Variants in CTC1 observed in about 807,000 individuals in gnomAD.
The protein encoded by CTC1 is CST complex subunit CTC1.
In CTC1, 91 loss-of-function variants were observed where a neutral mutation model predicts 136.3. The observed-to-expected ratio is 0.67, with a 90% CI of 0.56 to 0.79. The LOEUF is 0.79. CTC1 is among the 30% of genes least tolerant of loss of function. CTC1 has a pLI of 0.00. For missense variants in CTC1, 1,432 were observed against 1,498.1 expected, an observed-to-expected ratio of 0.96 and a Z score of 0.73; for synonymous variants, 606 against 613.8, an observed-to-expected ratio of 0.99 and a Z score of 0.19.
Position 8,227,838 on chromosome 17 carries a change from A to C in CTC1, c.*342T>G, listed in dbSNP as rs1986853747. 1 of 208,834 alleles carries C rather than the reference A, an allele frequency of 4.8e-6. No individual in the cohort carries two copies. Among genetic ancestry groups the C allele is most frequent in the Non-Finnish European group, 9.8e-6 (1 of 101,814 alleles). 12.9% of individuals were successfully genotyped at this position (208,834 alleles called of 1,614,324 possible). ...GTGAGAAATGACACCAGAGGGCTTC[A>C]TTGCAGGTCAATAGGCCTGTCACCA... On this transcript the variant is annotated 3_prime_UTR_variant, in exon 23 of 23. Coordinates refer to ENST00000651323, the MANE Select transcript of CTC1 (RefSeq NM_025099.6).
chr17:8,230,458 C>T lies in CTC1; in HGVS notation c.2769G>A (p.Gly923=), dbSNP rs1458053977. The change falls in exon 17 of 23, where the codon GGG becomes GGA. Residue 923 remains glycine (G), a synonymous_variant. Transcript: ENST00000651323. ...TTAGCTTCACACACCTTCTCATGGCCCCCGTGTTCCCTATAGAAGGAAGGT... is the reference window on the plus strand; with the variant it reads ...TTAGCTTCACACACCTTCTCATGGCTCCCGTGTTCCCTATAGAAGGAAGGT... ...ASLWMKLGNT[G]AMRRCVKLTV... 1 of 1,613,762 alleles carries T rather than the reference C, an allele frequency of 6.2e-7. No homozygotes were observed. Among genetic ancestry groups the T allele is most frequent in the South Asian group, 1.1e-5 (1 of 91,044 alleles).
Position 8,238,013 on chromosome 17 carries a change from C to T in CTC1, c.647+18G>A, listed in dbSNP as rs373103137. 1 of 1,603,066 alleles carries T rather than the reference C, an allele frequency of 6.2e-7. No homozygotes were observed. Among genetic ancestry groups the T allele is most frequent in the Non-Finnish European group, 8.5e-7 (1 of 1,170,940 alleles). ...TCAGTTTTACAGCGCCCCTGCCATG[C>T]CTAGAGGGGGAAATTACCTGAGCCT... is the stretch of plus-strand genomic sequence containing the variant. On this transcript the variant is annotated intron_variant, in intron 4 of 22. Transcript: ENST00000651323.
intron 1 of CTC1, chr17:8,247,789 G>C (rs1988883174): frequency 1.7e-6 from 1 of 591,800 alleles, no homozygotes; most frequent in Non-Finnish European, 3.1e-6. Flanking sequence ...AGTGAACGGA[G>C]ACCAGTTTAA....
At chr17:8,230,058 GC>G in intron 17 of CTC1, 90 bp from the exon 18 acceptor site, 1 of 1,265,638 alleles carries the variant, frequency 7.9e-7, no homozygotes, top group Non-Finnish European at 1.1e-6. Context: ...CCACAGAGTG[GC>G]CACTCCCCCT....
chr17:8,228,822 C>G lies in CTC1; in HGVS notation c.3292G>C (p.Gly1098Arg). ...GAGGCCCACTCTCTAGGACACAGCC[C>G]TAGTGCTGCTGCCACATGGTGATTC... is the stretch of plus-strand genomic sequence containing the variant. ...CRNHHVAAAL[G>R]LCPREWASLL... Residue 1098 changes from glycine (G) to arginine (R), a missense_variant, in exon 21 of 23, where the codon GGG becomes CGG. Coordinates refer to ENST00000651323, the MANE Select transcript of CTC1 (RefSeq NM_025099.6). 3.1e-6 allele frequency: 5 copies of G among 1,614,056 alleles called. No homozygotes were observed. Among genetic ancestry groups the G allele is most frequent in the Non-Finnish European group, 4.2e-6 (5 of 1,179,978 alleles).
Position 8,232,453 on chromosome 17 carries a change from C to G in CTC1, c.1968G>C (p.Arg656Ser), listed in dbSNP as rs746143190. ...RLIGCLVRAE[R>S]FQLIVERDVR... ...CGTCCCTCTCTACGATCAACTGAAA[C>G]CTCTCTGCCCGCACCAGGCAGCCTA... is the stretch of plus-strand genomic sequence containing the variant. Residue 656 changes from arginine (R) to serine (S), a missense_variant, in exon 12 of 23, where the codon AGG becomes AGC. Coordinates refer to ENST00000651323, the MANE Select transcript of CTC1 (RefSeq NM_025099.6). The G allele has an allele frequency of 1.9e-6, 3 of 1,613,998 alleles. No homozygotes were observed. The highest frequency in any genetic ancestry group is 2.7e-5 in the African/African-American group (2 of 74,914).
intron 21 of CTC1, 35 bp downstream of exon 21, chr17:8,228,692 G>GAT: frequency 6.2e-7 from 1 of 1,613,942 alleles, no homozygotes; most frequent in Non-Finnish European, 8.5e-7. Context: ...CAGGAATTTG[G>GAT]GTATCCGAGT....
Position 8,226,023 on chromosome 17 carries a change from A to T in CTC1, c.*2157T>A, listed in dbSNP as rs1049583204. 5 of 152,072 alleles carry T rather than the reference A, an allele frequency of 3.3e-5. No homozygotes were observed. Among genetic ancestry groups the T allele is most frequent in the African/African-American group, 4.8e-5 (2 of 41,400 alleles). 9.4% of individuals were successfully genotyped at this position (152,072 alleles called of 1,614,324 possible). Reference sequence around the variant, plus strand: ...GCACCAGTGGGGTGTGGCATCAGTTAAGCAAAGGACCCTTAGGCCTATGCA... The same window carrying T: ...GCACCAGTGGGGTGTGGCATCAGTTTAGCAAAGGACCCTTAGGCCTATGCA... On this transcript the variant is annotated 3_prime_UTR_variant, in exon 23 of 23. Transcript: ENST00000651323.
intron 14 of CTC1, 28 bp downstream of exon 14, chr17:8,231,698 G>C: frequency 6.2e-7 from 1 of 1,604,388 alleles, no homozygotes; most frequent in Non-Finnish European, 8.5e-7. Flanking sequence ...GCTTTCTGGG[G>C]AAAGGTATGA....
At position 8,235,278 on chromosome 17, in the gene CTC1, TC is replaced by T. The variant is rs1444923772; in HGVS notation, c.1213del (p.Asp405MetfsTer58). ...TCCCACTGACTGGAGCAGGTGAACA[TC>T]CTGGAGCTGGGGGAAAGCAGAGAAA... ...MRPGVCLQLQ[D>X]VHLLQSVGGG... On this transcript the variant is annotated frameshift_variant, in exon 8 of 23. Coordinates refer to ENST00000651323, the MANE Select transcript of CTC1 (RefSeq NM_025099.6). LOFTEE classifies it high-confidence loss of function. 9 of 1,611,896 alleles carry T rather than the reference TC, an allele frequency of 5.6e-6. No homozygotes were observed. The highest frequency in any genetic ancestry group is 6.8e-6 in the Non-Finnish European group (8 of 1,178,360).
At chr17:8,228,460 C>T (rs747137988) in intron 22 of CTC1, 43 bp downstream of exon 22, 2 of 1,613,848 alleles carry the variant, frequency 1.2e-6, no homozygotes, top group Admixed American at 3.3e-5. Flanking sequence ...TCTCTATCAC[C>T]ATGATCCCCC....
chr17:8,248,037 G>A lies in CTC1; in HGVS notation c.-1C>T. ...GGACCTGGGCCCGGCCAGCCGCCAT[G>A]ATGCGCCGGAGCTCCGCCCCCGGGA... is the stretch of plus-strand genomic sequence containing the variant. On this transcript the variant is annotated 5_prime_UTR_variant, in exon 1 of 23. Coordinates refer to ENST00000651323, the MANE Select transcript of CTC1 (RefSeq NM_025099.6). 6.3e-7 allele frequency: 1 copy of A among 1,580,878 alleles called. No individual in the cohort carries two copies. The highest frequency in any genetic ancestry group is 8.6e-7 in the Non-Finnish European group (1 of 1,159,272).
Position 8,229,364 on chromosome 17 carries a change from C to T in CTC1, c.3094G>A (p.Val1032Ile), listed in dbSNP as rs1382694916. 10 of 1,614,044 alleles carry T rather than the reference C, an allele frequency of 6.2e-6. No individual in the cohort carries two copies. Among genetic ancestry groups the T allele is most frequent in the East Asian group, 4.5e-5 (2 of 44,892 alleles). The part of the protein sequence containing the change: ...PFQATASCHI[V>I]SVFSLQLFWV... ...AAGAGCTGAAGGCTGAAGACAGAGACGATATGGCAAGAGGCAGTGGCCTGG... is the reference window on the plus strand; with the variant it reads ...AAGAGCTGAAGGCTGAAGACAGAGATGATATGGCAAGAGGCAGTGGCCTGG... Residue 1032 changes from valine to isoleucine, a missense_variant, in exon 19 of 23, where the codon GTC becomes ATC. Physicochemically the swap from Val to Ile is conservative, Grantham distance 29. Transcript: ENST00000651323.
At chr17:8,232,599 A>G in intron 11 of CTC1, 124 bp from the exon 12 acceptor site, 1 of 773,828 alleles carries the variant, frequency 1.3e-6, no homozygotes, top group Non-Finnish European at 2.1e-6. Context: ...CATGACATGA[A>G]AGCCCACACC....
At chr17:8,229,242 G>C (rs1166129117) in intron 19 of CTC1, 36 bp from the exon 20 acceptor site, 2 of 1,613,914 alleles carry the variant, frequency 1.2e-6, no homozygotes, top group Non-Finnish European at 1.7e-6. Context: ...AGTCCTCTTG[G>C]TCCCATCACA....
intron 1 of CTC1, among the ~76,000 whole-genome samples, chr17:8,245,560 GTC>G (rs1988606620): frequency 6.6e-6 from 1 of 151,986 alleles, no homozygotes; most frequent in African/African-American, 2.4e-5. Flanking sequence ...GAATACGACT[GTC>G]TCTCAAAGTG....
At chr17:8,238,330 C>T in intron 3 of CTC1, 62 bp downstream of exon 3, 1 of 1,571,814 alleles carries the variant, frequency 6.4e-7, no homozygotes, top group East Asian at 2.2e-5. Context: ...ACTTAATTGC[C>T]TTGATCCTTG....
At chr17:8,232,544 C>T in intron 11 of CTC1, 69 bp from the exon 12 acceptor site, 1 of 1,309,366 alleles carries the variant, frequency 7.6e-7, no homozygotes, top group Non-Finnish European at 1.1e-6. Context: ...GGCAAACCAT[C>T]CTACCGGCCT....
Position 8,232,419 on chromosome 17 carries a change from T to A in CTC1, c.2002A>T (p.Ser668Cys). Residue 668 changes from serine (S) to cysteine (C), a missense_variant, in exon 12 of 23, where the codon AGC becomes TGC. By Grantham distance (112) the Ser-to-Cys change is moderately radical. Coordinates refer to ENST00000651323, the MANE Select transcript of CTC1 (RefSeq NM_025099.6). ...QLIVERDVRS[S>C]FPSWKELSMP... Reference sequence around the variant, plus strand: ...CTCAGCTCCTTCCAGGAAGGGAAGCTGCTTCTCACGTCCCTCTCTACGATC... The same window carrying A: ...CTCAGCTCCTTCCAGGAAGGGAAGCAGCTTCTCACGTCCCTCTCTACGATC... 1 of 1,614,162 alleles carries A rather than the reference T, an allele frequency of 6.2e-7. No homozygotes were observed. The highest frequency in any genetic ancestry group is 8.5e-7 in the Non-Finnish European group (1 of 1,180,016).
Sources: gnomAD v4.1 joint callset for allele counts (sites outside exome capture counted in the v4.1 genomes callset) on GRCh38, gnomAD v4.1.1 for gene constraint, MANE v1.5 for transcripts, NCBI Gene and HGNC (gene_info 2026-07-23, HGNC 2026-07-21) for gene names.